USP43: variants seen among roughly 807,000 people sequenced by gnomAD.
USP43 encodes the protein ubiquitin carboxyl-terminal hydrolase 43.
Under a neutral mutation model 90.7 loss-of-function variants are expected in USP43, and 33 were observed. The ratio of observed to expected loss-of-function variants is 0.36; its 90% confidence interval spans 0.28 to 0.49. USP43 has a LOEUF of 0.49. Among genes scored for constraint, USP43 ranks in the 20% least tolerant of loss-of-function variants. USP43 has a pLI of 0.98. For synonymous variants in USP43, 598 were observed against 615.8 expected (o/e 0.97, Z 0.43); for missense variants, 1,274 against 1,476.4 (o/e 0.86, Z 2.25).
At chr17:9,726,345 C>A (rs1404711801) in intron 14 of USP43, among the ~76,000 whole-genome samples, 2 of 152,178 alleles carry the variant, frequency 1.3e-5, no homozygotes, top group African/African-American at 4.8e-5. Flanking sequence ...CTTTTTATGG[C>A]AGGAGTTCTG....
intron 3 of USP43, among the ~76,000 whole-genome samples, chr17:9,673,773 T>C (rs1769263629): frequency 6.6e-6 from 1 of 152,204 alleles, no homozygotes; most frequent in Admixed American, 6.5e-5. Context: ...TTCTCTTCTG[T>C]AAAATGTGTA....
chr17:9,711,086 G>A (rs530832821), intron 13 of USP43, among the ~76,000 whole-genome samples: 17 of 152,118 alleles, frequency 1.1e-4, no homozygotes, highest in Admixed American at 2.6e-4. Context: ...TCCTATTAGA[G>A]AAAAGAAGTT....
intron 2 of USP43, among the ~76,000 whole-genome samples, chr17:9,662,703 A>G (rs1912730180): frequency 6.6e-6 from 1 of 152,100 alleles, no homozygotes; most frequent in African/African-American, 2.4e-5. Context: ...CTCTCCGAGC[A>G]TGTTGCTACC....
intron 13 of USP43, 29 bp from the exon 14 acceptor site, chr17:9,711,939 C>T (rs1270220329): frequency 1.3e-6 from 2 of 1,558,118 alleles, no homozygotes; most frequent in Non-Finnish European, 1.7e-6. Flanking sequence ...GGGTTGGGCT[C>T]AGCCTCCCTC....
rs750916876 is a variant in USP43 at position 9,666,652 on chromosome 17, C to T, written c.641C>T (p.Pro214Leu). ...SSRGPVSEKL[P>L]PEATKTSENC... ...CCTTTCCTCATTTCTTTGCAGCTTCCGCCTGAAGCCACTAAAACCTCTGAG... is the reference window on the plus strand; with the variant it reads ...CCTTTCCTCATTTCTTTGCAGCTTCTGCCTGAAGCCACTAAAACCTCTGAG... Residue 214 changes from proline to leucine, a missense_variant, in exon 3 of 15, where the codon CCG becomes CTG. By Grantham distance (98) the Pro-to-Leu change is moderately conservative. Coordinates refer to ENST00000285199, the MANE Select transcript of USP43 (RefSeq NM_153210.5). The T allele has an allele frequency of 7.6e-5, 122 of 1,611,716 alleles. No homozygotes were observed. The highest frequency in any genetic ancestry group is 1.7e-4 in the Admixed American group (10 of 59,724).
chr17:9,707,860 C>T (rs1175092234), intron 12 of USP43, among the ~76,000 whole-genome samples: 1 of 152,072 alleles, frequency 6.6e-6, no homozygotes, highest in Non-Finnish European at 1.5e-5. Context: ...CAGTGATGAA[C>T]AAGACAAATA....
rs1174447300 is a variant in USP43, at chr17:9,681,129, TACTATATAA to T, written c.1105+764_1105+772del. Among the ~76,000 whole-genome samples, 3 of 111,754 alleles carry T rather than the reference TACTATATAA, an allele frequency of 2.7e-5. 1 individual carries two copies. Among genetic ancestry groups the T allele is most frequent in the African/African-American group, 1.3e-4 (3 of 23,444 alleles). 73.3% of individuals were successfully genotyped at this position (111,754 alleles called of 152,430 possible). On this transcript the variant is annotated intron_variant, in intron 6 of 14. Transcript: ENST00000285199. Reference sequence around the variant, plus strand: ...TATATAATATATACTATATAATATATACTATATAATATATACTATATAATATATACTATA... The same window carrying T: ...TATATAATATATACTATATAATATATTATATACTATATAATATATACTATA...
At position 9,700,670 on chromosome 17, in the gene USP43, A is replaced by G. The variant is rs145838022; in HGVS notation, c.1535+421A>G. On this transcript the variant is annotated intron_variant, in intron 10 of 14. Coordinates refer to ENST00000285199, the MANE Select transcript of USP43 (RefSeq NM_153210.5). ...GTGGAAACTGAGGCACAGAGAGGGT[A>G]AGCAGTTGCTGGAGGGCACACAGCT... Among the ~76,000 whole-genome samples, 435 of 152,270 alleles carry G rather than the reference A, an allele frequency of 2.9e-3. 2 individuals are homozygous for G. The highest frequency in any genetic ancestry group is 9.5e-3 in the African/African-American group (394 of 41,550).
At chr17:9,691,311 C>T (rs983459362) in intron 8 of USP43, among the ~76,000 whole-genome samples, 7 of 146,846 alleles carry the variant, frequency 4.8e-5, no homozygotes, top group African/African-American at 1.9e-4. Flanking sequence ...AGAGATGTAG[C>T]TTCTCCATGT....
chr17:9,669,319 C>T (rs1170810700), intron 3 of USP43, among the ~76,000 whole-genome samples: 1 of 152,154 alleles, frequency 6.6e-6, no homozygotes, highest in East Asian at 1.9e-4. Flanking sequence ...GCCAGCAGGT[C>T]GAATTCATCT....
At chr17:9,719,131 A>G (rs936252966) in intron 14 of USP43, among the ~76,000 whole-genome samples, 2 of 152,188 alleles carry the variant, frequency 1.3e-5, no homozygotes, top group East Asian at 1.9e-4. Flanking sequence ...TCCGTGTCCA[A>G]AAAAAAGTCT....
At chr17:9,679,852 T>C (rs999952295) in intron 5 of USP43, among the ~76,000 whole-genome samples, 1 of 152,126 alleles carries the variant, frequency 6.6e-6, no homozygotes, top group Non-Finnish European at 1.5e-5. Context: ...CTTCAATGTT[T>C]GGTAAAAATT....
Position 9,656,527 on chromosome 17 carries a change from C to G in USP43, c.629C>G (p.Ser210Trp), listed in dbSNP as rs200905837. The G allele has an allele frequency of 1.2e-6, 2 of 1,610,284 alleles. No individual in the cohort carries two copies. Among genetic ancestry groups the G allele is most frequent in the African/African-American group, 1.3e-5 (1 of 74,846 alleles). ...GAGGGTTCATCCCGAGGGCCGGTGT[C>G]GGAGAAGGTCGGTCACTCTCAAAAC... ...DLEGSSRGPV[S>W]EKLPPEATKT... The change falls in exon 2 of 15, where the codon TCG (serine) becomes TGG (tryptophan). Residue 210 changes from serine (S) to tryptophan (W), a missense_variant. By Grantham distance (177) the Ser-to-Trp change is radical. This residue lies in a region of USP43 where 259 missense variants were observed against 373.7 expected (regional missense o/e 0.69). Transcript: ENST00000285199.
intron 3 of USP43, among the ~76,000 whole-genome samples, chr17:9,668,916 A>G (rs1170640699): frequency 6.6e-6 from 1 of 151,426 alleles, no homozygotes; most frequent in Non-Finnish European, 1.5e-5. Context: ...GTTCACTGCA[A>G]CCTCCACTTC....
intron 1 of USP43, among the ~76,000 whole-genome samples, chr17:9,650,067 C>G (rs1284527305): frequency 6.6e-6 from 1 of 152,180 alleles, no homozygotes; most frequent in Admixed American, 6.5e-5. Flanking sequence ...CTTCACCACT[C>G]TTACGTTTTG....
In USP43 at chr17:9,701,337, T is replaced by C. The variant is rs777285268; in HGVS notation, c.1663-15T>C. ...TGCTGCGGGGGCCTCACAGTCCGGGTGGTTTGCTTTCCAGCTGGCCCAGGA... is the reference window on the plus strand; with the variant it reads ...TGCTGCGGGGGCCTCACAGTCCGGGCGGTTTGCTTTCCAGCTGGCCCAGGA... On this transcript the variant is annotated splice_polypyrimidine_tract_variant and intron_variant, in intron 11 of 14. Coordinates refer to ENST00000285199, the MANE Select transcript of USP43 (RefSeq NM_153210.5). This position sits in a 1 kb window ranked among gnomAD's most constrained non-coding sequence, Gnocchi z 7.2. The C allele has an allele frequency of 6.3e-6, 10 of 1,588,676 alleles. No homozygotes were observed. In the African/African-American group the frequency reaches 1.2e-4, roughly 19 times the overall value.
At chr17:9,656,683 C>G in intron 2 of USP43, 149 bp downstream of exon 2, 1 of 1,047,070 alleles carries the variant, frequency 9.6e-7, no homozygotes, top group Non-Finnish European at 1.3e-6. Context: ...TCCCTGCTTC[C>G]TTCTCTTAGC....
At chr17:9,696,474 T>C (rs1915273717) in intron 9 of USP43, among the ~76,000 whole-genome samples, 1 of 152,164 alleles carries the variant, frequency 6.6e-6, no homozygotes, top group East Asian at 1.9e-4. Flanking sequence ...GTCTACTGCC[T>C]TTAGGCCAAA....
chr17:9,690,729 A>G (rs1459105823), intron 8 of USP43, among the ~76,000 whole-genome samples: 1 of 152,106 alleles, frequency 6.6e-6, no homozygotes, highest in African/African-American at 2.4e-5. Context: ...TACTAAAAAT[A>G]CAAAAATTAG....
Sources: gnomAD v4.1 joint callset for allele counts (sites outside exome capture counted in the v4.1 genomes callset) on GRCh38, gnomAD v4.1.1 for gene constraint, gnomAD v4.1.1 regional missense constraint, Gnocchi (gnomAD v3.1) non-coding constraint, MANE v1.5 for transcripts, NCBI Gene and HGNC (gene_info 2026-07-23, HGNC 2026-07-21) for gene names.